The following WRN variants were observed in gnomAD, a reference collection of about 807,000 sequenced individuals.
WRN encodes the protein bifunctional 3'-5' exonuclease/ATP-dependent helicase WRN.
WRN carries 149 observed loss-of-function variants against 180.7 expected under a neutral mutation model. The observed-to-expected ratio is 0.82, with a 90% confidence interval of 0.72 to 0.94. The LOEUF (loss-of-function observed/expected upper bound fraction) is 0.94, where lower values mean the gene tolerates loss of function less well. Ranked by LOEUF, WRN falls within the 40% of genes least tolerant of loss-of-function variation. The probability of loss-of-function intolerance (pLI) is 0.00; values close to 1 mark genes in which losing one functional copy is unlikely to be tolerated. For missense variants in WRN, 1,661 were observed against 1,700.1 expected (o/e 0.98, Z 0.40); for synonymous variants, 548 against 568.9 (o/e 0.96, Z 0.52).
chr8:31,084,774 A>G (rs2130138439), intron 10 of WRN, among the ~76,000 whole-genome samples: 1 of 152,336 alleles, frequency 6.6e-6, no homozygotes. Context: ...AAATCAGTGG[A>G]TGTCAAAAAC....
chr8:31,080,723 AG>A, intron 8 of WRN, 143 bp from the exon 9 acceptor site: 1 of 671,992 alleles, frequency 1.5e-6, no homozygotes. Context: ...TATGGGCATT[AG>A]GGAATGAAGA....
intron 7 of WRN, among the ~76,000 whole-genome samples, chr8:31,075,626 A>G (rs1813066608): frequency 6.6e-6 from 1 of 151,856 alleles, no homozygotes; most frequent in Non-Finnish European, 1.5e-5. Flanking sequence ...GGGCTAGGGA[A>G]TGAGAATAGC....
chr8:31,096,492 G>A (rs1813982866), intron 16 of WRN, among the ~76,000 whole-genome samples: 1 of 152,096 alleles, frequency 6.6e-6, no homozygotes, highest in Admixed American at 6.5e-5. Flanking sequence ...CCAGCCCTTA[G>A]GAAGAGACTG....
intron 1 of WRN, among the ~76,000 whole-genome samples, chr8:31,042,862 G>A (rs1031233306): frequency 1.3e-5 from 2 of 152,154 alleles, no homozygotes; most frequent in East Asian, 1.9e-4. Flanking sequence ...AAATTCGCAA[G>A]CAACCTAATT....
At chr8:31,160,438 C>A (rs1283120991) in intron 33 of WRN, among the ~76,000 whole-genome samples, 2 of 152,214 alleles carry the variant, frequency 1.3e-5, no homozygotes, top group Admixed American at 6.5e-5. Context: ...ACCTTCTAAT[C>A]TTCCTAACTT....
At chr8:31,129,789 G>A (rs748497770) in intron 23 of WRN, among the ~76,000 whole-genome samples, 1 of 151,862 alleles carries the variant, frequency 6.6e-6, no homozygotes, top group South Asian at 2.1e-4. Flanking sequence ...GGGGGATCAC[G>A]AGGTCAAGAG....
At chr8:31,084,733 T>C (rs1291509836) in intron 10 of WRN, among the ~76,000 whole-genome samples, 1 of 152,220 alleles carries the variant, frequency 6.6e-6, no homozygotes, top group Admixed American at 6.5e-5. Flanking sequence ...TTTAAAGATA[T>C]TACAGTCAGT....
At chr8:31,039,845 A>G (rs1290733343) in intron 1 of WRN, among the ~76,000 whole-genome samples, 1 of 152,116 alleles carries the variant, frequency 6.6e-6, no homozygotes, top group African/African-American at 2.4e-5. Context: ...AATGTGTTAT[A>G]TTGATTAATT....
intron 33 of WRN, among the ~76,000 whole-genome samples, chr8:31,162,993 A>G (rs1164446265): frequency 5.3e-5 from 8 of 152,270 alleles, no homozygotes; most frequent in Admixed American, 3.3e-4. Context: ...TAGGCACTTA[A>G]GAATGTATGA....
At chr8:31,037,463 C>T (rs1440829484) in intron 1 of WRN, among the ~76,000 whole-genome samples, 1 of 152,194 alleles carries the variant, frequency 6.6e-6, no homozygotes, top group East Asian at 1.9e-4. Flanking sequence ...AACCTCTAGC[C>T]CTGACCAATG....
At chr8:31,068,361 A>G (rs564208899) in intron 7 of WRN, 34 bp downstream of exon 7, 12 of 1,539,494 alleles carry the variant, frequency 7.8e-6, no homozygotes, top group Non-Finnish European at 9.8e-6. Context: ...ATGTGAATTC[A>G]CTCTTTTGTG....
intron 24 of WRN, among the ~76,000 whole-genome samples, chr8:31,133,758 G>A (rs1224965601): frequency 6.6e-6 from 1 of 152,180 alleles, no homozygotes; most frequent in Non-Finnish European, 1.5e-5. Context: ...AAGAATTTTA[G>A]TTGTAAGGGA....
intron 7 of WRN, among the ~76,000 whole-genome samples, chr8:31,071,877 C>T (rs1812926017): frequency 6.6e-6 from 1 of 152,198 alleles, no homozygotes; most frequent in Non-Finnish European, 1.5e-5. Context: ...ATGAAAGACA[C>T]ATGTCAAGGA....
intron 1 of WRN, among the ~76,000 whole-genome samples, chr8:31,052,317 A>G (rs901764033): frequency 2.0e-5 from 3 of 152,234 alleles, no homozygotes; most frequent in African/African-American, 7.2e-5. Context: ...TTGTGAGATA[A>G]CCACTAATGT....
chr8:31,060,786 A>G (rs1008238886), intron 3 of WRN, among the ~76,000 whole-genome samples: 2 of 152,220 alleles, frequency 1.3e-5, no homozygotes, highest in African/African-American at 2.4e-5. Flanking sequence ...TCTGAAGGCA[A>G]TTAGCACAAG....
chr8:31,124,180 A>G (rs1043000936), intron 21 of WRN, among the ~76,000 whole-genome samples: 6 of 152,136 alleles, frequency 3.9e-5, no homozygotes, highest in Admixed American at 2.0e-4. Context: ...TTGTAGAAGC[A>G]TTGTTTGAAG....
intron 33 of WRN, among the ~76,000 whole-genome samples, chr8:31,165,453 A>C (rs1380481632): frequency 2.0e-5 from 3 of 152,102 alleles, no homozygotes; most frequent in Non-Finnish European, 4.4e-5. Context: ...TAGTAGCCAC[A>C]TTTTAAAAAG....
At chr8:31,087,708 T>C (rs1813586460) in intron 11 of WRN, 68 bp from the exon 12 acceptor site, 2 of 1,522,058 alleles carry the variant, frequency 1.3e-6, no homozygotes, top group African/African-American at 1.4e-5. Context: ...AATAGTCCTT[T>C]TGTGTTTGGT....
At chr8:31,044,699 G>A (rs191659257) in intron 1 of WRN, among the ~76,000 whole-genome samples, 2 of 152,164 alleles carry the variant, frequency 1.3e-5, no homozygotes, top group Non-Finnish European at 2.9e-5. Flanking sequence ...CTGACACTTC[G>A]TTTTCCCTCT....
Sources: gnomAD v4.1 joint callset for allele counts (sites outside exome capture counted in the v4.1 genomes callset) on GRCh38, gnomAD v4.1.1 for gene constraint, MANE v1.5 for transcripts, NCBI Gene and HGNC (gene_info 2026-07-23, HGNC 2026-07-21) for gene names.